The following TTLL4 variants were observed in gnomAD, a reference collection of about 807,000 sequenced individuals.
The protein encoded by TTLL4 is tubulin tyrosine ligase like 4.
In TTLL4, 85 loss-of-function variants were observed where a neutral mutation model predicts 122.7. That is an observed-to-expected ratio of 0.69 (90% CI 0.58 to 0.83). The LOEUF (loss-of-function observed/expected upper bound fraction) is 0.83. Among genes scored for constraint, TTLL4 ranks in the 40% least tolerant of loss-of-function variants. TTLL4 has a pLI of 0.00. For synonymous variants in TTLL4, 553 were observed against 563.0 expected (o/e 0.98, Z 0.25); for missense variants, 1,363 against 1,488.6 (o/e 0.92, Z 1.39).
At chr2:218,729,755 A>C (rs1350512618) in intron 2 of TTLL4, among the ~76,000 whole-genome samples, 26 of 104,152 alleles carry the variant, frequency 2.5e-4, no homozygotes, top group African/African-American at 3.7e-4. Flanking sequence ...TTTTAAAAAA[A>C]AAAAAAACAA....
In TTLL4 at chr2:218,738,509, C is replaced by T. The variant is rs1381649441; in HGVS notation, c.833C>T (p.Pro278Leu). The T allele has an allele frequency of 6.2e-7, 1 of 1,614,170 alleles. No homozygotes were observed. Among genetic ancestry groups the T allele is most frequent in the Non-Finnish European group, 8.5e-7 (1 of 1,180,032 alleles). Residue 278 changes from proline (P) to leucine (L), a missense_variant, in exon 3 of 20, where the codon CCA (proline) becomes CTA (leucine). Transcript: ENST00000392102. ...HKVPKSIGTV[P>L]ADASAHIALS... ...GTGCCCAAAAGCATTGGCACTGTCC[C>T]AGCTGATGCCAGTGCCCATATCGCC...
intron 2 of TTLL4, among the ~76,000 whole-genome samples, chr2:218,737,218 A>C (rs1448751813): frequency 6.6e-6 from 1 of 152,142 alleles, no homozygotes; most frequent in East Asian, 1.9e-4. Flanking sequence ...GTTTTGGGTG[A>C]GGGAAGGTAG....
Position 218,755,415 on chromosome 2 carries a change from A to G in TTLL4, c.*1026A>G, listed in dbSNP as rs1943132467. On this transcript the variant is annotated 3_prime_UTR_variant, in exon 20 of 20. Transcript: ENST00000392102. ...CTCAGTAAACAGTGACTATTCAATA[A>G]ATGTTGACTGAGTGAACTGTATTTA... 6.6e-6 allele frequency: 1 copy of G among 152,080 alleles called. No individual in the cohort carries two copies. Among genetic ancestry groups the G allele is most frequent in the Admixed American group, 6.6e-5 (1 of 15,252 alleles). The allele number at this position is 152,080 out of a possible 1,614,324, so 9.4% of individuals were successfully genotyped here. A position where few individuals can be genotyped will look rare whatever the true frequency, so the allele number is the denominator to read the frequency against.
At chr2:218,740,648 G>C in intron 5 of TTLL4, 64 bp downstream of exon 5, 3 of 1,570,776 alleles carry the variant, frequency 1.9e-6, no homozygotes, top group Non-Finnish European at 2.6e-6. Flanking sequence ...ATTATAAAGA[G>C]ATAAACCACT....
Position 218,738,066 on chromosome 2 carries a change from A to C in TTLL4, c.390A>C (p.Gln130His), listed in dbSNP as rs980791875. The C allele has an allele frequency of 1.2e-6, 2 of 1,613,954 alleles. No individual in the cohort carries two copies. The highest frequency in any genetic ancestry group is 1.3e-5 in the African/African-American group (1 of 74,878). ...RSSYRQKPYQQLESFCLRSSP... is the reference protein window; with the variant it reads ...RSSYRQKPYQHLESFCLRSSP... ...GCTATAGGCAAAAACCGTACCAGCA[A>C]CTGGAGTCTTTCTGCTTGCGTTCGA... Residue 130 changes from glutamine (Q) to histidine (H), a missense_variant, in exon 3 of 20, where the codon CAA becomes CAC. Gln to His is a conservative substitution (Grantham distance 24). Coordinates refer to ENST00000392102, the MANE Select transcript of TTLL4 (RefSeq NM_014640.5).
chr2:218,740,208 A>G, intron 4 of TTLL4, 41 bp downstream of exon 4: 30 of 1,584,180 alleles, frequency 1.9e-5, no homozygotes, highest in Non-Finnish European at 2.4e-5. Flanking sequence ...GGAGTTGGTT[A>G]TGACCTGTTG....
At chr2:218,756,452 A>G (rs1032104037), downstream of TTLL4, among the ~76,000 whole-genome samples, 2 of 152,190 alleles carry the variant, frequency 1.3e-5, no homozygotes, top group African/African-American at 4.8e-5. Flanking sequence ...AAGTTTGTAC[A>G]TTATTCTTAA....
chr2:218,739,974 C>T, intron 3 of TTLL4, 84 bp from the exon 4 acceptor site: 1 of 1,272,290 alleles, frequency 7.9e-7, no homozygotes, highest in East Asian at 2.3e-5. Flanking sequence ...GGGGCAAATA[C>T]TGGGAGATGA....
intron 1 of TTLL4, among the ~76,000 whole-genome samples, chr2:218,712,388 CTTT>C (rs55690203): frequency 1.4e-5 from 2 of 141,690 alleles, no homozygotes; most frequent in Non-Finnish European, 1.6e-5. Flanking sequence ...TCCCAGTGAA[CTTT>C]TTTTTTTTTT....
intron 15 of TTLL4, among the ~76,000 whole-genome samples, chr2:218,751,403 T>C (rs896105537): frequency 3.3e-5 from 5 of 152,182 alleles, no homozygotes; most frequent in Non-Finnish European, 7.4e-5. Flanking sequence ...AGTTAAGTGT[T>C]CACTGAATTA....
chr2:218,746,629 C>T (rs996321397), intron 8 of TTLL4: 7 of 355,554 alleles, frequency 2.0e-5, no homozygotes, highest in Non-Finnish European at 2.6e-5. Flanking sequence ...TTCTCCCAAG[C>T]TGAATATGTG....
chr2:218,732,729 A>G (rs1343619524), intron 2 of TTLL4, among the ~76,000 whole-genome samples: 1 of 152,202 alleles, frequency 6.6e-6, no homozygotes, highest in African/African-American at 2.4e-5. Flanking sequence ...GGATGCGGGA[A>G]AAGATGACCT....
intron 2 of TTLL4, among the ~76,000 whole-genome samples, chr2:218,728,866 A>G (rs981560237): frequency 6.7e-6 from 1 of 149,610 alleles, no homozygotes; most frequent in African/African-American, 2.5e-5. Context: ...TTCTCTCTTC[A>G]GGCACTCTTG....
chr2:218,729,286 G>T (rs1252548283), intron 2 of TTLL4, among the ~76,000 whole-genome samples: 2 of 151,944 alleles, frequency 1.3e-5, no homozygotes, highest in Non-Finnish European at 2.9e-5. Flanking sequence ...TGAGTTGGGG[G>T]CAGGTTTTCT....
chr2:218,754,104 G>A, intron 19 of TTLL4, 30 bp from the exon 20 acceptor site: 1 of 1,613,446 alleles, frequency 6.2e-7, no homozygotes, highest in South Asian at 1.1e-5. Flanking sequence ...CAGTGTCTCA[G>A]TCATTTCTTT....
chr2:218,753,704 C>T (rs1478782405), intron 19 of TTLL4, 35 bp downstream of exon 19: 1 of 1,607,646 alleles, frequency 6.2e-7, no homozygotes, highest in Non-Finnish European at 8.5e-7. Flanking sequence ...GGGCTGCTGG[C>T]TGTGAGTTTG....
chr2:218,741,100 G>A (rs1443222542), intron 5 of TTLL4, among the ~76,000 whole-genome samples: 2 of 152,052 alleles, frequency 1.3e-5, no homozygotes, highest in Non-Finnish European at 2.9e-5. Context: ...AACAACAACA[G>A]TATAATGGGC....
At chr2:218,730,107 A>C (rs1403633801) in intron 2 of TTLL4, among the ~76,000 whole-genome samples, 1 of 151,908 alleles carries the variant, frequency 6.6e-6, no homozygotes. Flanking sequence ...CTTCCTTTCC[A>C]ATCTGTGTAT....
downstream of TTLL4, among the ~76,000 whole-genome samples, chr2:218,758,372 A>C (rs924291120): frequency 3.9e-5 from 6 of 152,212 alleles, no homozygotes; most frequent in African/African-American, 1.4e-4. Context: ...TATGGAGGAA[A>C]AGCACCTAAC....
Sources: gnomAD v4.1 joint callset for allele counts (sites outside exome capture counted in the v4.1 genomes callset) on GRCh38, gnomAD v4.1.1 for gene constraint, MANE v1.5 for transcripts, NCBI Gene and HGNC (gene_info 2026-07-23, HGNC 2026-07-21) for gene names.